IDE: variants seen among roughly 807,000 people sequenced by gnomAD.
IDE encodes the protein insulin-degrading enzyme.
IDE carries 58 observed loss-of-function variants against 133.2 expected under a neutral mutation model. That is an observed-to-expected ratio of 0.44 (90% CI 0.35 to 0.54). The LOEUF is 0.54. IDE is among the 20% of genes least tolerant of loss of function. The pLI is 0.00. For missense variants in IDE, 981 were observed against 1,234.0 expected, an observed-to-expected ratio of 0.79 and a Z score of 3.07; for synonymous variants, 396 against 421.3, an observed-to-expected ratio of 0.94 and a Z score of 0.73.
At chr10:92,538,310 G>C (rs1003830422) in intron 1 of IDE, among the ~76,000 whole-genome samples, 8 of 152,160 alleles carry the variant, frequency 5.3e-5, no homozygotes, top group African/African-American at 1.9e-4. Context: ...GGTAGATCTG[G>C]AACTCGCAGG....
At position 92,507,793 on chromosome 10, in the gene IDE, C is replaced by T. The variant is rs934452405; in HGVS notation, c.1154-127G>A. 3.3e-5 allele frequency: 22 copies of T among 666,036 alleles called. 1 individual carries two copies. Among genetic ancestry groups the T allele is most frequent in the African/African-American group, 2.3e-4 (13 of 55,864 alleles). The allele number at this position is 666,036 out of a possible 1,614,324, so 41.3% of individuals were successfully genotyped here. A position where few individuals can be genotyped will look rare whatever the true frequency, so the allele number is the denominator to read the frequency against. ...CTTAGAAAATGCAGTCCTCACCTCC[C>T]TGAGACTGGCTTTACGTGTCCCACA... On this transcript the variant is annotated intron_variant, in intron 8 of 24. Transcript: ENST00000265986.
intron 1 of IDE, among the ~76,000 whole-genome samples, chr10:92,565,969 A>C (rs1004499717): frequency 1.6e-4 from 24 of 151,610 alleles, no homozygotes; most frequent in African/African-American, 5.8e-4. Flanking sequence ...TGAGCAAGTT[A>C]ACCTCTTTGA....
chr10:92,516,244 A>G (rs1010556447), intron 4 of IDE, among the ~76,000 whole-genome samples: 2 of 152,034 alleles, frequency 1.3e-5, no homozygotes, highest in African/African-American at 4.8e-5. Flanking sequence ...CTGTAATCCC[A>G]GCACTTTGGG....
chr10:92,536,007 G>C (rs1841979061), intron 2 of IDE, among the ~76,000 whole-genome samples: 1 of 151,644 alleles, frequency 6.6e-6, no homozygotes, highest in Admixed American at 6.6e-5. Flanking sequence ...CTGCACTCCA[G>C]CCTCGGCAAC....
At chr10:92,565,853 C>T (rs1843512247) in intron 1 of IDE, among the ~76,000 whole-genome samples, 1 of 152,112 alleles carries the variant, frequency 6.6e-6, no homozygotes, top group Non-Finnish European at 1.5e-5. Flanking sequence ...CTAAAGATAT[C>T]GTGCTACCTC....
intron 4 of IDE, among the ~76,000 whole-genome samples, chr10:92,530,226 C>CAATAAATA (rs200517884): frequency 0.014 from 2,067 of 149,716 alleles, 19 homozygotes; most frequent in Non-Finnish European, 0.021. Flanking sequence ...GACTCCGTCT[C>CAATAAATA]AATAAATAAA....
chr10:92,573,154 A>G (rs1286251196), intron 1 of IDE: 1 of 985,350 alleles, frequency 1.0e-6, no homozygotes, highest in Non-Finnish European at 1.2e-6. Flanking sequence ...ACAAGCCTGA[A>G]AACGCCTAGC....
chr10:92,534,045 A>G (rs1229109346), intron 3 of IDE, among the ~76,000 whole-genome samples: 1 of 152,108 alleles, frequency 6.6e-6, no homozygotes, highest in Non-Finnish European at 1.5e-5. Context: ...AAAATTGACC[A>G]AGAAATTAAA....
chr10:92,520,425 GT>G (rs1408800264), intron 4 of IDE, among the ~76,000 whole-genome samples: 1 of 152,144 alleles, frequency 6.6e-6, no homozygotes, highest in African/African-American at 2.4e-5. Context: ...TGAGTTTTAA[GT>G]TTTAGAAACG....
At chr10:92,473,511 A>G (rs1456826136) in intron 17 of IDE, among the ~76,000 whole-genome samples, 1 of 152,030 alleles carries the variant, frequency 6.6e-6, no homozygotes, top group Non-Finnish European at 1.5e-5. Context: ...TTTTCAAGCC[A>G]AACTCCTGAA....
At chr10:92,456,219 C>T in intron 23 of IDE, 140 bp downstream of exon 23, 1 of 662,584 alleles carries the variant, frequency 1.5e-6, no homozygotes, top group South Asian at 1.8e-5. Flanking sequence ...CTCTTTTCCC[C>T]TTATATCTGC....
intron 4 of IDE, among the ~76,000 whole-genome samples, chr10:92,516,363 G>A (rs1426849685): frequency 1.3e-5 from 2 of 150,492 alleles, no homozygotes; most frequent in Admixed American, 6.6e-5. Flanking sequence ...GCATGGTGGT[G>A]GGCACCTGTA....
chr10:92,499,623 G>A (rs1317535431), intron 11 of IDE, among the ~76,000 whole-genome samples: 2 of 152,014 alleles, frequency 1.3e-5, no homozygotes, highest in Non-Finnish European at 2.9e-5. Flanking sequence ...TTAGAGATGG[G>A]GTTTCATCAT....
At position 92,454,470 on chromosome 10, in the gene IDE, T is replaced by C; in HGVS notation, c.3034A>G (p.Ile1012Val). The C allele has an allele frequency of 3.7e-6, 6 of 1,613,146 alleles. No homozygotes were observed. Among genetic ancestry groups the C allele is most frequent in the African/African-American group, 1.3e-5 (1 of 75,044 alleles). Residue 1012 changes from isoleucine (I) to valine (V), a missense_variant, in exon 25 of 25, where the codon ATT becomes GTT. Coordinates refer to ENST00000265986, the MANE Select transcript of IDE (RefSeq NM_004969.4). ...CAGAGTTTTGCAGCCATGAAGTTAA[T>C]ATGTGGTTTCACAAGGGGAAACAGT... is the stretch of plus-strand genomic sequence containing the variant. ...LPLFPLVKPH[I>V]NFMAAKL
chr10:92,555,234 C>T (rs1842952442), intron 1 of IDE, among the ~76,000 whole-genome samples: 1 of 152,142 alleles, frequency 6.6e-6, no homozygotes, highest in African/African-American at 2.4e-5. Flanking sequence ...CACAGTGGCT[C>T]ACGCCTGTAA....
rs79373963 is a variant in IDE at position 92,569,630 on chromosome 10, T to A, written c.98+4292A>T. ...AAGATTTTCAAGCTAAACTGAAAAC[T>A]CTCATTTTCAAGCTAAACTGAAAAA... On this transcript the variant is annotated intron_variant, in intron 1 of 24. Coordinates refer to ENST00000265986, the MANE Select transcript of IDE (RefSeq NM_004969.4). Among the ~76,000 whole-genome samples, 1,132 of 152,174 alleles carry A rather than the reference T, an allele frequency of 7.4e-3. 15 individuals carry two copies. Among genetic ancestry groups the A allele is most frequent in the African/African-American group, 0.026 (1,081 of 41,504 alleles).
chr10:92,461,966 G>A (rs1845417401), intron 21 of IDE, among the ~76,000 whole-genome samples: 1 of 152,048 alleles, frequency 6.6e-6, no homozygotes, highest in African/African-American at 2.4e-5. Flanking sequence ...GAGCCACTGT[G>A]CCTAGCCAAG....
At chr10:92,563,568 T>C (rs963599375) in intron 1 of IDE, among the ~76,000 whole-genome samples, 3 of 151,210 alleles carry the variant, frequency 2.0e-5, no homozygotes, top group Admixed American at 6.6e-5. Flanking sequence ...CTGGCCAACA[T>C]GGTGAAACCC....
intron 11 of IDE, among the ~76,000 whole-genome samples, chr10:92,499,683 T>C (rs1433691012): frequency 6.6e-6 from 1 of 152,298 alleles, no homozygotes; most frequent in East Asian, 1.9e-4. Flanking sequence ...CCTCCCTCTA[T>C]GCCTCCCAAA....
Sources: gnomAD v4.1 joint callset for allele counts (sites outside exome capture counted in the v4.1 genomes callset) on GRCh38, gnomAD v4.1.1 for gene constraint, MANE v1.5 for transcripts, NCBI Gene and HGNC (gene_info 2026-07-23, HGNC 2026-07-21) for gene names.